DENND2D: variants seen among roughly 807,000 people sequenced by gnomAD.
The protein encoded by DENND2D is DENN domain containing 2D.
In DENND2D, 37 loss-of-function variants were observed where a neutral mutation model predicts 59.8. That is an observed-to-expected ratio of 0.62 (90% CI 0.48 to 0.81). The LOEUF (loss-of-function observed/expected upper bound fraction) is 0.81, where lower values mean the gene tolerates loss of function less well. Among genes scored for constraint, DENND2D ranks in the 40% least tolerant of loss-of-function variants. The pLI is 0.00. For missense variants in DENND2D, 525 were observed against 579.7 expected (o/e 0.91, Z 0.97); for synonymous variants, 219 against 211.3 (o/e 1.04, Z -0.31).
At chr1:111,194,971 C>T (rs890675919) in intron 6 of DENND2D, among the ~76,000 whole-genome samples, 4 of 152,116 alleles carry the variant, frequency 2.6e-5, no homozygotes, top group African/African-American at 9.7e-5. Context: ...TGTGCTTCAC[C>T]ACATGGGCTT....
intron 7 of DENND2D, among the ~76,000 whole-genome samples, chr1:111,194,199 T>C (rs551255649): frequency 1.4e-4 from 21 of 152,308 alleles, no homozygotes; most frequent in African/African-American, 4.6e-4. Flanking sequence ...TGGCAACCAG[T>C]TGACACACAA....
chr1:111,200,877 A>G (rs755981883), upstream of DENND2D: 23 of 306,168 alleles, frequency 7.5e-5, no homozygotes, highest in Non-Finnish European at 1.1e-4. Flanking sequence ...AGAACAGTGG[A>G]CAATGCTTGA....
In DENND2D at chr1:111,186,443, G is replaced by A. The variant is rs1571165673; in HGVS notation, c.*1162C>T. On this transcript the variant is annotated 3_prime_UTR_variant, in exon 12 of 12. Coordinates refer to ENST00000357640, the MANE Select transcript of DENND2D (RefSeq NM_024901.5). ...ATTGGCTTGAACTTCAGTATGCCCG[G>A]TTCCACCCTCCAGAAACTTTTGTGT... Among the ~76,000 whole-genome samples, 4 of 152,134 alleles carry A rather than the reference G, an allele frequency of 2.6e-5. No homozygotes were observed. Among genetic ancestry groups the A allele is most frequent in the Admixed American group, 2.6e-4 (4 of 15,272 alleles).
At position 111,197,480 on chromosome 1, in the gene DENND2D, G is replaced by C. The variant is rs766183950; in HGVS notation, c.427-227C>G. 22 of 1,416,008 alleles carry C rather than the reference G, an allele frequency of 1.6e-5. No individual in the cohort carries two copies. The Middle Eastern group carries it at 7.9e-4, about 51-fold the overall frequency. 87.7% of individuals were successfully genotyped at this position (1,416,008 alleles called of 1,614,324 possible). On this transcript the variant is annotated intron_variant, in intron 4 of 11. Transcript: ENST00000357640. ...CACCTTCAGTGCCAGCACAATCTGG[G>C]GTCAGCAAAGAGGGGTAGCAAGTGT...
At position 111,187,556 on chromosome 1, in the gene DENND2D, A is replaced by C; in HGVS notation, c.*49T>G. 6.5e-7 allele frequency: 1 copy of C among 1,529,690 alleles called. No homozygotes were observed. The highest frequency in any genetic ancestry group is 9.1e-7 in the Non-Finnish European group (1 of 1,104,428). The allele number at this position is 1,529,690 out of a possible 1,614,324, so 94.8% of individuals were successfully genotyped here. A position where few individuals can be genotyped will look rare whatever the true frequency, so the allele number is the denominator to read the frequency against. On this transcript the variant is annotated 3_prime_UTR_variant, in exon 12 of 12. Coordinates refer to ENST00000357640, the MANE Select transcript of DENND2D (RefSeq NM_024901.5). ...GATCCTGCCACACTGGCAGGGGCTG[A>C]AGTCCAGAAATGGTGTGTAGCTCTA... is the stretch of plus-strand genomic sequence containing the variant.
upstream of DENND2D, chr1:111,204,229 G>A: frequency 1.4e-6 from 2 of 1,412,650 alleles, no homozygotes; most frequent in Non-Finnish European, 1.8e-6. Flanking sequence ...GGCCCCAGCC[G>A]CCAGCCCTAG....
At chr1:111,195,698 G>A (rs1658160724) in intron 6 of DENND2D, 2 of 561,998 alleles carry the variant, frequency 3.6e-6, no homozygotes, top group South Asian at 2.0e-5. Context: ...AAAAGTCTTG[G>A]TGGCTTGAGC....
rs757249278 is a variant in DENND2D at position 111,197,197 on chromosome 1, G to T, written c.483C>A (p.Gly161=). 7 of 1,613,826 alleles carry T rather than the reference G, an allele frequency of 4.3e-6. No homozygotes were observed. The highest frequency in any genetic ancestry group is 5.9e-6 in the Non-Finnish European group (7 of 1,179,980). Residue 161 remains glycine (G), a synonymous_variant, in exon 5 of 12, where the codon GGC becomes GGA. Coordinates refer to ENST00000357640, the MANE Select transcript of DENND2D (RefSeq NM_024901.5). ...CTACCTTGGAGAACAAGCCGAAGCA[G>T]CCGATGCAGCTGATGATGCAGTACA... ...PKVYCIISCI[G]CFGLFSKILD... is the part of the protein sequence containing the mutation.
upstream of DENND2D, among the ~76,000 whole-genome samples, chr1:111,201,705 C>T (rs1327209411): frequency 6.6e-6 from 1 of 152,194 alleles, no homozygotes; most frequent in Non-Finnish European, 1.5e-5. Flanking sequence ...TTTGCCACTC[C>T]TGCTAAGAAT....
chr1:111,187,636 T>C lies in DENND2D; in HGVS notation c.1385A>G (p.Gln462Arg). The change falls in exon 12 of 12, where the codon CAG becomes CGG. Residue 462 changes from glutamine (Q) to arginine (R), a missense_variant. By Grantham distance (43) the Gln-to-Arg change is conservative. Transcript: ENST00000357640. ...KILEYEEQKK[Q>R]KKPREKTVK ...CACAGTTTTTTCCCTTGGTTTCTTC[T>C]GTTTCTTCTGTTCCTCATATTCAAG... 1 of 1,613,890 alleles carries C rather than the reference T, an allele frequency of 6.2e-7. No homozygotes were observed. The highest frequency in any genetic ancestry group is 8.5e-7 in the Non-Finnish European group (1 of 1,179,820).
intron 6 of DENND2D, chr1:111,195,577 C>A: frequency 3.4e-6 from 1 of 293,624 alleles, no homozygotes. Context: ...AGAGACAGGA[C>A]AAACAAAGGA....
chr1:111,190,620 A>G (rs1657684075), intron 8 of DENND2D, among the ~76,000 whole-genome samples: 1 of 152,238 alleles, frequency 6.6e-6, no homozygotes, highest in Admixed American at 6.5e-5. Context: ...TAGGCAGGGC[A>G]TGTTCCCACC....
intron 8 of DENND2D, among the ~76,000 whole-genome samples, chr1:111,191,474 CAT>C (rs1291332526): frequency 6.6e-6 from 1 of 152,150 alleles, no homozygotes; most frequent in African/African-American, 2.4e-5. Context: ...CTCTAAAGCA[CAT>C]GTTTTGAGTT....
At chr1:111,202,603 T>A (rs1164768370), upstream of DENND2D, among the ~76,000 whole-genome samples, 1 of 151,866 alleles carries the variant, frequency 6.6e-6, no homozygotes, top group Non-Finnish European at 1.5e-5. Flanking sequence ...TGAGGGGACC[T>A]TCTGGAACCT....
upstream of DENND2D, chr1:111,204,530 G>A: frequency 1.7e-6 from 1 of 591,006 alleles, no homozygotes; most frequent in Non-Finnish European, 2.6e-6. Context: ...ACCTGGGCGG[G>A]CCCGCTCTGC....
In DENND2D at chr1:111,196,110, G is replaced by A. The variant is rs1051652968; in HGVS notation, c.505-54C>T. On this transcript the variant is annotated intron_variant, in intron 5 of 11. Transcript: ENST00000357640. ...GGCTCAAAGGGACACTACCAGGCAG[G>A]TGGAAGAGACTCTACTTGCCCCTGA... 6 of 1,543,724 alleles carry A rather than the reference G, an allele frequency of 3.9e-6. No homozygotes were observed. In the Admixed American group the frequency reaches 1.2e-4, roughly 30 times the overall value.
In DENND2D at chr1:111,197,903, T is replaced by C. The variant is rs1557962078; in HGVS notation, c.426+17A>G. 2 of 1,613,526 alleles carry C rather than the reference T, an allele frequency of 1.2e-6. No homozygotes were observed. The highest frequency in any genetic ancestry group is 1.7e-6 in the Non-Finnish European group (2 of 1,179,966). ...GCAGACTGCAGAAAGGAAGGGGCAGTTCTGAGCTGCACAGACCAAGAGGCG... is the reference window on the plus strand; with the variant it reads ...GCAGACTGCAGAAAGGAAGGGGCAGCTCTGAGCTGCACAGACCAAGAGGCG... On this transcript the variant is annotated intron_variant, in intron 4 of 11. Coordinates refer to ENST00000357640, the MANE Select transcript of DENND2D (RefSeq NM_024901.5).
intron 2 of DENND2D, among the ~76,000 whole-genome samples, chr1:111,199,113 A>C (rs17027080): frequency 0.032 from 4,873 of 152,324 alleles, 223 homozygotes; most frequent in African/African-American, 0.11. Context: ...AGAAGCGGCC[A>C]GCTCAGTTGG....
chr1:111,204,314 G>A (rs765046889), upstream of DENND2D: 34 of 1,482,520 alleles, frequency 2.3e-5, no homozygotes, highest in South Asian at 4.1e-4. Context: ...CCGCGCTTCA[G>A]TCTCAGGCTG....
Sources: allele counts gnomAD v4.1 joint callset (sites outside exome capture counted in the v4.1 genomes callset), GRCh38; gene constraint gnomAD v4.1.1; transcripts MANE v1.5; gene names NCBI Gene and HGNC (gene_info 2026-07-23, HGNC 2026-07-21).